The following TRAK1 variants were observed in gnomAD, a reference collection of about 807,000 sequenced individuals.
TRAK1 encodes the protein trafficking kinesin protein 1.
TRAK1 carries 33 observed loss-of-function variants against 92.1 expected under a neutral mutation model. The observed-to-expected ratio is 0.36, with a 90% CI of 0.27 to 0.48. The LOEUF is 0.48. TRAK1 is among the 20% of genes least tolerant of loss of function. The probability of loss-of-function intolerance (pLI) is 0.99; values close to 1 mark genes in which losing one functional copy is unlikely to be tolerated. For missense variants in TRAK1, 1,123 were observed against 1,257.9 expected (o/e 0.89, Z 1.62); for synonymous variants, 521 against 517.3 (o/e 1.01, Z -0.10).
chr3:42,160,462 T>A (rs775420950), intron 2 of TRAK1: 5 of 1,614,102 alleles, frequency 3.1e-6, no homozygotes, highest in Non-Finnish European at 3.4e-6. Context: ...ACCCAGGACC[T>A]CTTGGAAGAG....
intron 1 of TRAK1, among the ~76,000 whole-genome samples, chr3:42,096,610 C>T (rs1377114000): frequency 6.6e-6 from 1 of 152,176 alleles, no homozygotes; most frequent in Non-Finnish European, 1.5e-5. Context: ...AAAGGAGAAA[C>T]TAAAGAAAAA....
intron 2 of TRAK1, among the ~76,000 whole-genome samples, chr3:42,138,876 GGTGTGTGT>G (rs60025099): frequency 2.4e-3 from 290 of 118,798 alleles, no homozygotes; most frequent in African/African-American, 4.8e-3. Context: ...AAGCATAGGG[GGTGTGTGT>G]GTGTGTGTGT....
In TRAK1 at chr3:42,223,247, C is replaced by A; in HGVS notation, c.2372C>A (p.Thr791Lys). ...TPPNSPMQTP[T>K]SSPPSFEFKC... ...CCGAACTCGCCTATGCAGACACCCACATCCTCCCCACCCTCCTTTGAGTTC... is the reference window on the plus strand; with the variant it reads ...CCGAACTCGCCTATGCAGACACCCAAATCCTCCCCACCCTCCTTTGAGTTC... The change falls in exon 16 of 16, where the codon ACA (threonine) becomes AAA (lysine). Residue 791 changes from threonine (T) to lysine (K), a missense_variant. Thr to Lys is a moderately conservative substitution (Grantham distance 78, BLOSUM62 -1). Transcript: ENST00000327628. The surrounding 1 kb of genome is among the most constrained non-coding windows in gnomAD (Gnocchi z 6.1). 1 of 1,614,256 alleles carries A rather than the reference C, an allele frequency of 6.2e-7. No homozygotes were observed. Among genetic ancestry groups the A allele is most frequent in the Admixed American group, 1.7e-5 (1 of 60,028 alleles).
At chr3:42,217,993 T>C (rs1007122658) in intron 14 of TRAK1, 1 of 985,288 alleles carries the variant, frequency 1.0e-6, no homozygotes, top group Non-Finnish European at 1.2e-6. Flanking sequence ...GAGCTCCCCA[T>C]GGCTGAGAGT....
intron 1 of TRAK1, among the ~76,000 whole-genome samples, chr3:42,024,943 C>T: frequency 6.6e-6 from 1 of 152,214 alleles, no homozygotes; most frequent in Admixed American, 6.5e-5. Flanking sequence ...TCAGTGCCAA[C>T]GTGAGTCTCC....
chr3:42,044,577 G>A (rs1008645182), intron 1 of TRAK1, among the ~76,000 whole-genome samples: 5 of 152,202 alleles, frequency 3.3e-5, no homozygotes, highest in Non-Finnish European at 7.3e-5. Flanking sequence ...ATTTGCAGAG[G>A]TTGGGCTCTG....
chr3:42,086,177 G>A (rs935055967), upstream of TRAK1, among the ~76,000 whole-genome samples: 1 of 152,244 alleles, frequency 6.6e-6, no homozygotes, highest in African/African-American at 2.4e-5. Flanking sequence ...ATGTAGGTGT[G>A]CTGTTGCCGG....
intron 1 of TRAK1, among the ~76,000 whole-genome samples, chr3:42,045,225 A>G (rs1702705595): frequency 1.3e-5 from 2 of 152,134 alleles, no homozygotes; most frequent in Admixed American, 1.3e-4. Flanking sequence ...GAGGAATCAC[A>G]TTATTACTCA....
intron 1 of TRAK1, among the ~76,000 whole-genome samples, chr3:42,106,028 A>G (rs1032501477): frequency 5.9e-5 from 9 of 152,226 alleles, no homozygotes; most frequent in East Asian, 1.9e-4. Context: ...AGCACTAAAC[A>G]TGGAAAGGAA....
At chr3:42,136,649 T>A (rs991449236) in intron 2 of TRAK1, among the ~76,000 whole-genome samples, 10 of 151,062 alleles carry the variant, frequency 6.6e-5, no homozygotes, top group African/African-American at 9.7e-5. Flanking sequence ...AAATAAAAAA[T>A]AAATAAATAA....
chr3:42,145,495 A>C (rs1169192900), intron 2 of TRAK1, among the ~76,000 whole-genome samples: 2 of 150,864 alleles, frequency 1.3e-5, no homozygotes, highest in East Asian at 1.9e-4. Flanking sequence ...AAAAAAAAAA[A>C]AAAAACCTAT....
intron 1 of TRAK1, among the ~76,000 whole-genome samples, chr3:42,114,771 C>A (rs1031813493): frequency 6.6e-6 from 1 of 151,714 alleles, no homozygotes; most frequent in East Asian, 1.9e-4. Flanking sequence ...GGAGTGCAAT[C>A]GTGCGATCTC....
chr3:42,193,062 T>G lies in TRAK1; in HGVS notation c.770-13T>G, dbSNP rs1472608486. 1 of 1,613,372 alleles carries G rather than the reference T, an allele frequency of 6.2e-7. No homozygotes were observed. The highest frequency in any genetic ancestry group is 1.7e-5 in the Admixed American group (1 of 59,914). On this transcript the variant is annotated splice_polypyrimidine_tract_variant and intron_variant, in intron 7 of 15. Transcript: ENST00000327628. ...TCTGACTTCCTCTCCTGATTGTTGC[T>G]TCTTTGTCAAAGGGGATGCCAATGT...
In TRAK1 at chr3:42,200,812, C is replaced by G. The variant is rs748954064; in HGVS notation, c.1191-6C>G. 6.2e-7 allele frequency: 1 copy of G among 1,614,080 alleles called. No homozygotes were observed. The highest frequency in any genetic ancestry group is 1.1e-5 in the South Asian group (1 of 91,066). ...CTCACTCACGGATGCCGTGCATTCT[C>G]CCTAGTCACCAGAAGCGTGTCTTTG... On this transcript the variant is annotated splice_region_variant and splice_polypyrimidine_tract_variant and intron_variant, in intron 11 of 15. Coordinates refer to ENST00000327628, the MANE Select transcript of TRAK1 (RefSeq NM_001042646.3).
chr3:42,015,530 CTCTG>C (rs1436781909), intron 1 of TRAK1, among the ~76,000 whole-genome samples: 3 of 152,140 alleles, frequency 2.0e-5, no homozygotes, highest in Non-Finnish European at 2.9e-5. Flanking sequence ...TACTTAACCT[CTCTG>C]TCCTGCTCTC....
At chr3:42,117,382 G>T (rs773974410) in intron 1 of TRAK1, among the ~76,000 whole-genome samples, 2 of 152,082 alleles carry the variant, frequency 1.3e-5, no homozygotes, top group Non-Finnish European at 2.9e-5. Flanking sequence ...GGCAGTTGTG[G>T]TGCTGGTTTC....
intron 2 of TRAK1, among the ~76,000 whole-genome samples, chr3:42,138,175 C>A (rs969936868): frequency 2.6e-5 from 4 of 152,124 alleles, no homozygotes; most frequent in African/African-American, 9.7e-5. Flanking sequence ...TATAAGTATT[C>A]TCAGAACCCT....
intron 1 of TRAK1, among the ~76,000 whole-genome samples, chr3:42,073,087 CACAT>C (rs1452506698): frequency 6.6e-6 from 1 of 152,206 alleles, no homozygotes; most frequent in Non-Finnish European, 1.5e-5. Flanking sequence ...GCCCCCAGTC[CACAT>C]ACAAGTCTGC....
At chr3:42,113,238 A>G (rs573739582) in intron 1 of TRAK1, among the ~76,000 whole-genome samples, 24 of 152,302 alleles carry the variant, frequency 1.6e-4, no homozygotes, top group South Asian at 1.0e-3. Flanking sequence ...ATGAGACCCT[A>G]TCTCTTCAAA....
Sources: allele counts gnomAD v4.1 joint callset (sites outside exome capture counted in the v4.1 genomes callset), GRCh38; gene constraint gnomAD v4.1.1; non-coding constraint Gnocchi (gnomAD v3.1); transcripts MANE v1.5; gene names NCBI Gene and HGNC (gene_info 2026-07-23, HGNC 2026-07-21).